PCDH15: variants seen among roughly 807,000 people sequenced by gnomAD.
PCDH15 encodes protocadherin-15.
PCDH15 carries 129 observed loss-of-function variants against 178.5 expected under a neutral mutation model. That is an observed-to-expected ratio of 0.72 (90% CI 0.63 to 0.84). The LOEUF (loss-of-function observed/expected upper bound fraction) is 0.84. Ranked by LOEUF, PCDH15 falls within the 40% of genes least tolerant of loss-of-function variation. PCDH15 has a pLI of 0.00. For synonymous variants in PCDH15, 800 were observed against 732.0 expected (o/e 1.09, Z -1.50); for missense variants, 2,230 against 2,099.9 (o/e 1.06, Z -1.21).
At chr10:54,528,662 A>C (rs1189277321) in intron 2 of PCDH15, among the ~76,000 whole-genome samples, 2 of 152,096 alleles carry the variant, frequency 1.3e-5, no homozygotes, top group Admixed American at 1.3e-4. Context: ...AGACTAGAAA[A>C]TAACATAAAG....
chr10:54,484,523 T>C (rs1318343454), intron 3 of PCDH15, among the ~76,000 whole-genome samples: 2 of 151,838 alleles, frequency 1.3e-5, no homozygotes, highest in Non-Finnish European at 2.9e-5. Context: ...ATACCTCAAA[T>C]GGAAAATTCA....
intron 1 of PCDH15, among the ~76,000 whole-genome samples, chr10:55,187,249 A>C (rs149674088): frequency 4.6e-5 from 7 of 152,176 alleles, no homozygotes; most frequent in Middle Eastern, 3.4e-3. Flanking sequence ...ATACTATTAC[A>C]TAGAGGATAA....
intron 2 of PCDH15, among the ~76,000 whole-genome samples, chr10:55,340,196 C>A (rs1844513446): frequency 6.6e-6 from 1 of 150,756 alleles, no homozygotes; most frequent in South Asian, 2.1e-4. Context: ...AAAATATAAT[C>A]TGTATAATTG....
At chr10:55,041,684 A>T (rs1840866262) in intron 2 of PCDH15, among the ~76,000 whole-genome samples, 1 of 152,092 alleles carries the variant, frequency 6.6e-6, no homozygotes, top group Non-Finnish European at 1.5e-5. Flanking sequence ...AAATAAAACT[A>T]TTTTGTCTAA....
intron 2 of PCDH15, among the ~76,000 whole-genome samples, chr10:55,625,981 G>A (rs1380192156): frequency 2.6e-5 from 4 of 152,018 alleles, no homozygotes; most frequent in Non-Finnish European, 4.4e-5. Flanking sequence ...ATATACCCAG[G>A]AAATGTATAA....
chr10:53,990,546 G>T (rs2091400711), intron 21 of PCDH15, among the ~76,000 whole-genome samples: 1 of 147,248 alleles, frequency 6.8e-6, no homozygotes, highest in African/African-American at 2.5e-5. Context: ...TTTTATATAT[G>T]TTATATATAT....
At position 54,617,115 on chromosome 10, in the gene PCDH15, C is replaced by T. The variant is rs141842086; in HGVS notation, c.91+47057G>A. Reference sequence around the variant, plus strand: ...TTTCACCATGTTGGCCAGCCTGTCTCGAACTCCTGACCTCAGATGATCCAC... The same window carrying T: ...TTTCACCATGTTGGCCAGCCTGTCTTGAACTCCTGACCTCAGATGATCCAC... On this transcript the variant is annotated intron_variant, in intron 2 of 37. Coordinates refer to ENST00000644397, the MANE Select transcript of PCDH15 (RefSeq NM_001384140.1). 6.0e-3 allele frequency among the ~76,000 whole-genome samples: 901 copies of T among 150,578 alleles called. 6 individuals carry two copies. The highest frequency in any genetic ancestry group is 0.021 in the African/African-American group (843 of 41,100).
At chr10:54,839,572 G>A (rs1453058940) in intron 3 of PCDH15, among the ~76,000 whole-genome samples, 2 of 152,052 alleles carry the variant, frequency 1.3e-5, no homozygotes, top group Non-Finnish European at 2.9e-5. Context: ...AAAGGAGAGA[G>A]AGAAGGGTAG....
rs1554814244 is a variant in PCDH15, at chr10:53,805,675, A to AAACT, written c.*900_*903dup. 5.3e-5 allele frequency: 8 copies of AAACT among 152,056 alleles called. No individual in the cohort carries two copies. The highest frequency in any genetic ancestry group is 1.3e-4 in the Admixed American group (2 of 15,226). 9.4% of individuals were successfully genotyped at this position (152,056 alleles called of 1,614,324 possible). A position where few individuals can be genotyped will look rare whatever the true frequency, so the allele number is the denominator to read the frequency against. ...CTTTACTCTGATATGCTGGGTTTAC[A>AAACT]AACTATTAAAGTCTAGTGACATTAA... On this transcript the variant is annotated 3_prime_UTR_variant, in exon 38 of 38. Coordinates refer to ENST00000644397, the MANE Select transcript of PCDH15 (RefSeq NM_001384140.1).
At chr10:55,010,956 T>C (rs1336313708) in intron 2 of PCDH15, among the ~76,000 whole-genome samples, 2 of 152,018 alleles carry the variant, frequency 1.3e-5, no homozygotes, top group African/African-American at 4.8e-5. Flanking sequence ...AAGCCAGAAA[T>C]ACAAGATTAA....
intron 1 of PCDH15, among the ~76,000 whole-genome samples, chr10:54,792,424 G>A (rs1404211745): frequency 6.6e-6 from 1 of 151,922 alleles, no homozygotes; most frequent in Admixed American, 6.6e-5. Context: ...TTGACTGGGC[G>A]ATAAGATACC....
At chr10:54,758,469 G>T (rs1947447501) in intron 1 of PCDH15, among the ~76,000 whole-genome samples, 1 of 152,084 alleles carries the variant, frequency 6.6e-6, no homozygotes, top group Non-Finnish European at 1.5e-5. Context: ...TGGCATTTTT[G>T]ACTTACAGTG....
chr10:54,682,988 C>T (rs918065683), intron 1 of PCDH15, among the ~76,000 whole-genome samples: 1 of 152,068 alleles, frequency 6.6e-6, no homozygotes, highest in Non-Finnish European at 1.5e-5. Context: ...CAGCATTACA[C>T]AATAAATCCA....
At chr10:54,360,041 G>T (rs2583037) in intron 5 of PCDH15, among the ~76,000 whole-genome samples, 17,455 of 151,946 alleles carry the variant, frequency 0.11, 1,784 homozygotes, top group African/African-American at 0.28. Flanking sequence ...TTATGTTTTC[G>T]TCTGAATAAA....
At chr10:55,440,939 T>C (rs1049838164) in intron 2 of PCDH15, among the ~76,000 whole-genome samples, 7 of 152,172 alleles carry the variant, frequency 4.6e-5, no homozygotes, top group African/African-American at 9.7e-5. Flanking sequence ...ATGAGACTTA[T>C]TGGCTACCAT....
At chr10:55,419,542 G>A (rs1000949453) in intron 2 of PCDH15, among the ~76,000 whole-genome samples, 2 of 151,792 alleles carry the variant, frequency 1.3e-5, no homozygotes, top group African/African-American at 2.4e-5. Context: ...TAATCAGATA[G>A]TAGCAGTTAT....
intron 2 of PCDH15, among the ~76,000 whole-genome samples, chr10:55,622,547 G>A (rs1023264193): frequency 1.8e-4 from 28 of 152,022 alleles, no homozygotes; most frequent in Non-Finnish European, 3.7e-4. Context: ...GTAGGATGCA[G>A]TCCAGAAACA....
intron 2 of PCDH15, among the ~76,000 whole-genome samples, chr10:55,565,431 T>C (rs1405032550): frequency 6.6e-6 from 1 of 151,482 alleles, no homozygotes; most frequent in Non-Finnish European, 1.5e-5. Flanking sequence ...AAAAGACATA[T>C]CTCAAATCAA....
At chr10:55,084,347 G>A (rs2132029045) in intron 2 of PCDH15, among the ~76,000 whole-genome samples, 1 of 151,708 alleles carries the variant, frequency 6.6e-6, no homozygotes. Flanking sequence ...TCAAAAAAAG[G>A]TGCTTAGAGA....
Sources: gnomAD v4.1 joint callset for allele counts (sites outside exome capture counted in the v4.1 genomes callset) on GRCh38, gnomAD v4.1.1 for gene constraint, MANE v1.5 for transcripts, NCBI Gene and HGNC (gene_info 2026-07-23, HGNC 2026-07-21) for gene names.